The following PDE4D variants were observed in gnomAD, a reference collection of about 807,000 sequenced individuals.
The protein encoded by PDE4D is phosphodiesterase 4D.
PDE4D carries 24 observed loss-of-function variants against 87.4 expected under a neutral mutation model. The ratio of observed to expected loss-of-function variants is 0.27; its 90% CI spans 0.20 to 0.39. The LOEUF (loss-of-function observed/expected upper bound fraction) is 0.39, where lower values mean the gene tolerates loss of function less well. PDE4D is among the 10% of genes least tolerant of loss of function. PDE4D has a pLI of 1.00. For synonymous variants in PDE4D, 384 were observed against 383.2 expected (o/e 1.00, Z -0.02); for missense variants, 714 against 1,041.0 (o/e 0.69, Z 4.32).
At chr5:59,581,124 T>C (rs294498) in intron 1 of PDE4D, among the ~76,000 whole-genome samples, 112,222 of 151,962 alleles carry the variant, frequency 0.74, 42,171 homozygotes, top group South Asian at 0.89. Context: ...ATTTTTGAGC[T>C]ATTGCAAAAA....
chr5:59,971,944 C>A (rs1379243382), intron 3 of PDE4D, among the ~76,000 whole-genome samples: 1 of 152,168 alleles, frequency 6.6e-6, no homozygotes, highest in Non-Finnish European at 1.5e-5. Context: ...AAGAAGCAGA[C>A]TTGAGCAGAA....
At chr5:59,316,912 C>T (rs933188684) in intron 1 of PDE4D, among the ~76,000 whole-genome samples, 7 of 152,174 alleles carry the variant, frequency 4.6e-5, no homozygotes, top group African/African-American at 1.4e-4. Flanking sequence ...TTAGACACTT[C>T]ACTCCAAAAC....
chr5:59,747,161 G>T (rs775061248), intron 1 of PDE4D, among the ~76,000 whole-genome samples: 1 of 152,040 alleles, frequency 6.6e-6, no homozygotes, highest in Admixed American at 6.6e-5. Flanking sequence ...CATAACCACT[G>T]TTAAGCGTCT....
At chr5:60,150,867 CAT>C (rs781161978) in intron 2 of PDE4D, among the ~76,000 whole-genome samples, 7 of 152,290 alleles carry the variant, frequency 4.6e-5, no homozygotes, top group African/African-American at 1.2e-4. Context: ...TGTCTCTACA[CAT>C]GTCAGTAAAA....
At chr5:59,911,151 G>C (rs1753395753) in intron 3 of PDE4D, among the ~76,000 whole-genome samples, 1 of 152,180 alleles carries the variant, frequency 6.6e-6, no homozygotes, top group Non-Finnish European at 1.5e-5. Flanking sequence ...GACCAGACTG[G>C]CTGTTGTAGG....
intron 1 of PDE4D, among the ~76,000 whole-genome samples, chr5:59,709,715 G>A (rs1580588975): frequency 6.6e-6 from 1 of 152,276 alleles, no homozygotes; most frequent in Admixed American, 6.5e-5. Flanking sequence ...GAGGGGAGGA[G>A]GAGACCAAAG....
chr5:60,242,945 A>G (rs901178584), intron 1 of PDE4D, among the ~76,000 whole-genome samples: 28 of 152,010 alleles, frequency 1.8e-4, no homozygotes, highest in South Asian at 4.1e-4. Flanking sequence ...AAGCAAGAGC[A>G]AACCAAACCC....
chr5:59,109,337 G>A (rs773207292), intron 5 of PDE4D, among the ~76,000 whole-genome samples: 68 of 152,190 alleles, frequency 4.5e-4, no homozygotes, highest in Non-Finnish European at 6.3e-4. Flanking sequence ...CATGCACAAA[G>A]TATGATTTGA....
intron 2 of PDE4D, among the ~76,000 whole-genome samples, chr5:60,017,531 A>T (rs1203950734): frequency 6.6e-6 from 1 of 152,124 alleles, no homozygotes; most frequent in Non-Finnish European, 1.5e-5. Context: ...CCCACTTATA[A>T]GTGAGAACAT....
chr5:59,474,091 A>G (rs140899131), intron 1 of PDE4D, among the ~76,000 whole-genome samples: 224 of 152,238 alleles, frequency 1.5e-3, no homozygotes, highest in African/African-American at 5.1e-3. Flanking sequence ...CTATTTAACT[A>G]AAATCACGGT....
At chr5:59,289,593 G>T (rs1331390971) in intron 1 of PDE4D, among the ~76,000 whole-genome samples, 2 of 151,944 alleles carry the variant, frequency 1.3e-5, no homozygotes, top group Non-Finnish European at 2.9e-5. Flanking sequence ...ACTGAATAGG[G>T]TATAACTGAA....
chr5:59,768,180 A>G, intron 1 of PDE4D: 1 of 1,560,174 alleles, frequency 6.4e-7, no homozygotes, highest in Non-Finnish European at 8.6e-7. Flanking sequence ...CCAAAATTAA[A>G]GGCGCGAGAG....
chr5:59,792,330 T>A (rs1477079083), intron 1 of PDE4D, among the ~76,000 whole-genome samples: 2 of 152,104 alleles, frequency 1.3e-5, no homozygotes, highest in Non-Finnish European at 2.9e-5. Context: ...AAAACCAGTT[T>A]ACTTTTATTT....
intron 3 of PDE4D, among the ~76,000 whole-genome samples, chr5:59,916,113 GA>G (rs2152774432): frequency 6.6e-6 from 1 of 152,164 alleles, no homozygotes; most frequent in African/African-American, 2.4e-5. Context: ...TAATCTATGA[GA>G]ATGCTTTTTT....
At chr5:59,700,761 C>T (rs1186255519) in intron 1 of PDE4D, among the ~76,000 whole-genome samples, 2 of 152,140 alleles carry the variant, frequency 1.3e-5, no homozygotes, top group African/African-American at 4.8e-5. Context: ...TGGTCCCCTT[C>T]TCCAGTTGCA....
At chr5:59,437,836 C>T (rs1797005234) in intron 1 of PDE4D, among the ~76,000 whole-genome samples, 3 of 152,140 alleles carry the variant, frequency 2.0e-5, no homozygotes, top group Non-Finnish European at 2.9e-5. Context: ...TCTCATGCTG[C>T]TATGAAGAAA....
intron 1 of PDE4D, among the ~76,000 whole-genome samples, chr5:59,551,381 T>G (rs146477604): frequency 2.0e-3 from 309 of 151,032 alleles, no homozygotes; most frequent in African/African-American, 7.2e-3. Context: ...GAATCTAACT[T>G]TATATTATTT....
intron 1 of PDE4D, among the ~76,000 whole-genome samples, chr5:60,283,918 A>G (rs1752180098): frequency 6.6e-6 from 1 of 152,140 alleles, no homozygotes; most frequent in South Asian, 2.1e-4. Context: ...CTGGGAAAAA[A>G]AAAAACTGTC....
chr5:60,021,789 C>A (rs552287177), intron 2 of PDE4D: 1 of 152,370 alleles, frequency 6.6e-6, no homozygotes, highest in Admixed American at 6.5e-5. Flanking sequence ...CAGACCCTGT[C>A]TTTAATGTCC....
Sources: allele counts gnomAD v4.1 joint callset (sites outside exome capture counted in the v4.1 genomes callset), GRCh38; gene constraint gnomAD v4.1.1; transcripts MANE v1.5; gene names NCBI Gene and HGNC (gene_info 2026-07-23, HGNC 2026-07-21).